The following EPHA3 variants were observed in gnomAD, a reference collection of about 807,000 sequenced individuals.
The protein encoded by EPHA3 is ephrin type-A receptor 3.
A neutral mutation model predicts 107.1 loss-of-function variants in EPHA3; 42 were observed. The ratio of observed to expected loss-of-function variants is 0.39; its 90% CI spans 0.31 to 0.51. The LOEUF is 0.51. EPHA3 is among the 20% of genes least tolerant of loss of function. EPHA3 has a pLI of 0.78. For missense variants in EPHA3, 1,183 were observed against 1,211.2 expected (o/e 0.98, Z 0.35); for synonymous variants, 461 against 424.8 (o/e 1.09, Z -1.05).
chr3:89,240,064 G>C (rs548291513), intron 3 of EPHA3, among the ~76,000 whole-genome samples: 3 of 152,310 alleles, frequency 2.0e-5, no homozygotes, highest in African/African-American at 7.2e-5. Flanking sequence ...TCAAGAGTTT[G>C]TCATCTAACC....
chr3:89,423,821 G>A (rs904013574), intron 11 of EPHA3, among the ~76,000 whole-genome samples: 2 of 151,326 alleles, frequency 1.3e-5, no homozygotes, highest in Non-Finnish European at 1.5e-5. Context: ...TCATTTATAT[G>A]TATAGGATGG....
chr3:89,156,891 GA>G (rs549100642), intron 2 of EPHA3, among the ~76,000 whole-genome samples: 51 of 147,008 alleles, frequency 3.5e-4, no homozygotes, highest in African/African-American at 1.0e-3. Context: ...TTTTTTTTTG[GA>G]AAAAAAAATG....
At chr3:89,235,663 A>C (rs1704741555) in intron 3 of EPHA3, among the ~76,000 whole-genome samples, 1 of 151,978 alleles carries the variant, frequency 6.6e-6, no homozygotes, top group African/African-American at 2.4e-5. Context: ...TTTCATGAAC[A>C]TGGTGTATCT....
chr3:89,111,281 A>G (rs1290778746), intron 1 of EPHA3, among the ~76,000 whole-genome samples: 1 of 152,108 alleles, frequency 6.6e-6, no homozygotes, highest in Admixed American at 6.5e-5. Context: ...AAAAATTACA[A>G]TAAATTGGCA....
intron 5 of EPHA3, among the ~76,000 whole-genome samples, chr3:89,376,507 A>G (rs1708408378): frequency 1.3e-5 from 2 of 151,882 alleles, no homozygotes; most frequent in Non-Finnish European, 2.9e-5. Flanking sequence ...ACTGTGAATA[A>G]ATGATTTTCT....
At chr3:89,112,821 G>A (rs1268511690) in intron 1 of EPHA3, among the ~76,000 whole-genome samples, 2 of 151,434 alleles carry the variant, frequency 1.3e-5, no homozygotes, top group Admixed American at 6.6e-5. Flanking sequence ...ATTCGGTTTG[G>A]CATAAATACT....
chr3:89,379,751 A>G (rs1708465242), intron 5 of EPHA3, among the ~76,000 whole-genome samples: 1 of 152,214 alleles, frequency 6.6e-6, no homozygotes, highest in African/African-American at 2.4e-5. Context: ...GTATACAATG[A>G]CCAACCAAAA....
intron 15 of EPHA3, among the ~76,000 whole-genome samples, chr3:89,470,862 A>G (rs1241075788): frequency 1.3e-5 from 2 of 152,260 alleles, no homozygotes; most frequent in Middle Eastern, 3.4e-3. Flanking sequence ...TTCTTTATCT[A>G]TCTCAGAGGA....
intron 1 of EPHA3, among the ~76,000 whole-genome samples, chr3:89,123,087 T>A (rs1707425348): frequency 4.6e-5 from 7 of 152,132 alleles, no homozygotes; most frequent in Admixed American, 4.6e-4. Flanking sequence ...TTTCCATAAG[T>A]ACTTATTACC....
intron 3 of EPHA3, among the ~76,000 whole-genome samples, chr3:89,251,015 G>C (rs1431337398): frequency 6.6e-6 from 1 of 152,106 alleles, no homozygotes; most frequent in Non-Finnish European, 1.5e-5. Flanking sequence ...AGAAACATTA[G>C]ATATGGAATT....
chr3:89,228,459 A>G (rs1704551167), intron 3 of EPHA3, among the ~76,000 whole-genome samples: 1 of 151,962 alleles, frequency 6.6e-6, no homozygotes, highest in Non-Finnish European at 1.5e-5. Flanking sequence ...TCAACGTGTT[A>G]GGGAATGAAT....
chr3:89,168,523 G>C (rs1341088722), intron 2 of EPHA3, among the ~76,000 whole-genome samples: 7 of 151,956 alleles, frequency 4.6e-5, no homozygotes, highest in Non-Finnish European at 1.0e-4. Context: ...TTAATGTTAA[G>C]AGTTTAAACT....
chr3:89,243,413 C>G (rs1046580157), intron 3 of EPHA3, among the ~76,000 whole-genome samples: 13 of 152,114 alleles, frequency 8.5e-5, no homozygotes, highest in African/African-American at 3.1e-4. Flanking sequence ...CTCTCTAGCA[C>G]CTGTTGTTTC....
Position 89,161,650 on chromosome 3 carries a change from C to A in EPHA3, c.153+34377C>A, listed in dbSNP as rs374791156. Among the ~76,000 whole-genome samples the A allele has an allele frequency of 4.5e-4, 68 of 151,902 alleles. 1 individual carries two copies. The East Asian group carries it at 0.011, about 26-fold the overall frequency. The stretch of plus-strand genomic sequence containing the variant: ...CAAAAACAGTGGCTGTAATGAGTAA[C>A]CTTGTGTGAATATCCTATAATTTTT... On this transcript the variant is annotated intron_variant, in intron 2 of 16. Coordinates refer to ENST00000336596, the MANE Select transcript of EPHA3 (RefSeq NM_005233.6).
chr3:89,219,521 A>C (rs1704299285), intron 3 of EPHA3, among the ~76,000 whole-genome samples: 1 of 151,622 alleles, frequency 6.6e-6, no homozygotes, highest in African/African-American at 2.4e-5. Flanking sequence ...TGTGGCACTA[A>C]ACAAAACAGA....
chr3:89,438,617 T>C (rs1353334603), intron 13 of EPHA3, among the ~76,000 whole-genome samples: 10 of 152,244 alleles, frequency 6.6e-5, no homozygotes, highest in Non-Finnish European at 1.2e-4. Flanking sequence ...CACATATTAA[T>C]TTGATAAGTA....
chr3:89,161,995 A>AATG (rs1289153324), intron 2 of EPHA3, among the ~76,000 whole-genome samples: 3 of 150,200 alleles, frequency 2.0e-5, no homozygotes, highest in Non-Finnish European at 3.0e-5. Flanking sequence ...TAATAATAAT[A>AATG]ATAGTAATAA....
At chr3:89,308,396 C>T (rs2107357062) in intron 3 of EPHA3, among the ~76,000 whole-genome samples, 1 of 152,068 alleles carries the variant, frequency 6.6e-6, no homozygotes, top group Middle Eastern at 3.4e-3. Context: ...GAGATGAAAA[C>T]ATAACAAGAA....
intron 10 of EPHA3, among the ~76,000 whole-genome samples, chr3:89,417,434 G>A (rs1388431069): frequency 1.3e-5 from 2 of 151,422 alleles, no homozygotes; most frequent in African/African-American, 2.4e-5. Flanking sequence ...TATGATAATG[G>A]CAGAACTTTC....
Sources: gnomAD v4.1 joint callset for allele counts (sites outside exome capture counted in the v4.1 genomes callset) on GRCh38, gnomAD v4.1.1 for gene constraint, MANE v1.5 for transcripts, NCBI Gene and HGNC (gene_info 2026-07-23, HGNC 2026-07-21) for gene names.